The following STRN3 variants were observed in gnomAD, a reference collection of about 807,000 sequenced individuals.
STRN3 encodes striatin-3.
STRN3 carries 29 observed loss-of-function variants against 95.6 expected under a neutral mutation model. The ratio of observed to expected loss-of-function variants is 0.30; its 90% confidence interval spans 0.23 to 0.41. The LOEUF (loss-of-function observed/expected upper bound fraction) is 0.41, where lower values mean the gene tolerates loss of function less well. Ranked by LOEUF, STRN3 falls within the 10% of genes least tolerant of loss-of-function variation. The probability of loss-of-function intolerance (pLI) is 1.00; values close to 1 mark genes in which losing one functional copy is unlikely to be tolerated. For synonymous variants in STRN3, 331 were observed against 357.6 expected, an observed-to-expected ratio of 0.93 and a Z score of 0.84; for missense variants, 890 against 972.1, an observed-to-expected ratio of 0.92 and a Z score of 1.12.
intron 7 of STRN3, 62 bp from the exon 8 acceptor site, chr14:30,929,373 G>A: frequency 8.0e-7 from 1 of 1,257,436 alleles, no homozygotes; most frequent in East Asian, 2.3e-5. Context: ...GCTGTTGGCA[G>A]TAAACTGTTA....
At chr14:30,900,023 T>C (rs550345657) in intron 16 of STRN3, among the ~76,000 whole-genome samples, 2 of 152,150 alleles carry the variant, frequency 1.3e-5, no homozygotes, top group East Asian at 3.9e-4. Context: ...GACAATCTAT[T>C]TTACCACAAT....
chr14:30,916,253 A>C (rs1409768872), intron 9 of STRN3, among the ~76,000 whole-genome samples: 1 of 151,726 alleles, frequency 6.6e-6, no homozygotes, highest in Non-Finnish European at 1.5e-5. Flanking sequence ...TCAAAGAAAA[A>C]TGTAATTATT....
intron 1 of STRN3, among the ~76,000 whole-genome samples, chr14:31,017,333 A>C (rs1245345582): frequency 6.6e-6 from 1 of 150,748 alleles, no homozygotes; most frequent in Non-Finnish European, 1.5e-5. Flanking sequence ...CCCCGTCTCT[A>C]CTAAAAATAC....
chr14:30,994,119 G>A (rs1027203367), intron 1 of STRN3, among the ~76,000 whole-genome samples: 16 of 151,848 alleles, frequency 1.1e-4, no homozygotes, highest in Admixed American at 4.6e-4. Context: ...CAGGTGATCC[G>A]CCCGCCTCGG....
At chr14:30,907,432 A>G (rs368604956) in intron 13 of STRN3, among the ~76,000 whole-genome samples, 1 of 152,164 alleles carries the variant, frequency 6.6e-6, no homozygotes, top group Non-Finnish European at 1.5e-5. Context: ...GGGTACTTTC[A>G]TCACTCATTA....
At chr14:30,931,620 T>C (rs1380716471) in intron 7 of STRN3, among the ~76,000 whole-genome samples, 1 of 152,194 alleles carries the variant, frequency 6.6e-6, no homozygotes, top group Non-Finnish European at 1.5e-5. Flanking sequence ...TATAAATCTC[T>C]ACAGATCAAA....
intron 13 of STRN3, among the ~76,000 whole-genome samples, chr14:30,908,867 T>C (rs1896535873): frequency 6.6e-6 from 1 of 152,230 alleles, no homozygotes; most frequent in African/African-American, 2.4e-5. Flanking sequence ...ATTATTTGTA[T>C]AGAGAAGACT....
chr14:30,992,555 CCTGT>C (rs1882009841), intron 1 of STRN3, among the ~76,000 whole-genome samples: 1 of 130,904 alleles, frequency 7.6e-6, no homozygotes, highest in Non-Finnish European at 1.6e-5. Flanking sequence ...GTGCCCGGCC[CCTGT>C]CTCTTTAAAA....
chr14:30,996,887 T>A (rs1487748844), intron 1 of STRN3, among the ~76,000 whole-genome samples: 1 of 151,870 alleles, frequency 6.6e-6, no homozygotes, highest in African/African-American at 2.4e-5. Flanking sequence ...AATTGTAATG[T>A]ATCAGGTATT....
chr14:30,997,285 C>G (rs552215339), intron 1 of STRN3, among the ~76,000 whole-genome samples: 56 of 152,266 alleles, frequency 3.7e-4, no homozygotes, highest in African/African-American at 1.3e-3. Context: ...CTCCCAGGGA[C>G]AGCCAATTCT....
At chr14:30,934,435 A>G (rs564753821) in intron 7 of STRN3, among the ~76,000 whole-genome samples, 7 of 152,320 alleles carry the variant, frequency 4.6e-5, no homozygotes, top group Non-Finnish European at 1.0e-4. Context: ...GATTGCATGA[A>G]TGTATTTACT....
At chr14:30,970,656 C>G (rs1285065882) in intron 1 of STRN3, among the ~76,000 whole-genome samples, 1 of 152,164 alleles carries the variant, frequency 6.6e-6, no homozygotes, top group Non-Finnish European at 1.5e-5. Flanking sequence ...AGCTTCTAAG[C>G]CTTTTTCCAA....
At chr14:30,942,756 G>A (rs77953660) in intron 5 of STRN3, among the ~76,000 whole-genome samples, 14,620 of 151,944 alleles carry the variant, frequency 0.096, 766 homozygotes, top group South Asian at 0.16. Context: ...CCACTCACTC[G>A]ATAGCATCTA....
chr14:30,952,859 T>TA (rs1261058199), intron 3 of STRN3, among the ~76,000 whole-genome samples: 1 of 152,094 alleles, frequency 6.6e-6, no homozygotes, highest in South Asian at 2.1e-4. Context: ...AAAAAAATAC[T>TA]AAAAAAACAA....
At chr14:30,974,620 A>AC (rs1308401070) in intron 1 of STRN3, among the ~76,000 whole-genome samples, 16 of 151,838 alleles carry the variant, frequency 1.1e-4, no homozygotes, top group Admixed American at 5.9e-4. Context: ...AAAAAAAAAA[A>AC]AAACCTTGAA....
At chr14:30,929,734 T>C (rs1316430337) in intron 7 of STRN3, among the ~76,000 whole-genome samples, 2 of 151,976 alleles carry the variant, frequency 1.3e-5, no homozygotes, top group East Asian at 1.9e-4. Context: ...TGCTGTTTCA[T>C]TGATGAAAAT....
chr14:31,009,598 T>C (rs563109558), intron 1 of STRN3, among the ~76,000 whole-genome samples: 8 of 123,882 alleles, frequency 6.5e-5, no homozygotes, highest in African/African-American at 2.0e-4. Flanking sequence ...CAAAAAACCA[T>C]TGCCAATTTT....
chr14:30,970,181 GA>G (rs1880754606), intron 1 of STRN3, among the ~76,000 whole-genome samples: 1 of 152,152 alleles, frequency 6.6e-6, no homozygotes, highest in Admixed American at 6.5e-5. Flanking sequence ...ACCCTGTGGG[GA>G]CTTGCCAAGT....
chr14:30,920,320 T>C (rs1896848475), intron 8 of STRN3, among the ~76,000 whole-genome samples: 1 of 152,120 alleles, frequency 6.6e-6, no homozygotes, highest in Admixed American at 6.6e-5. Context: ...CTAATAATAA[T>C]GAAGAAACTC....
Sources: gnomAD v4.1 joint callset for allele counts (sites outside exome capture counted in the v4.1 genomes callset) on GRCh38, gnomAD v4.1.1 for gene constraint, MANE v1.5 for transcripts, NCBI Gene and HGNC (gene_info 2026-07-23, HGNC 2026-07-21) for gene names.